GALNT13: variants seen among roughly 807,000 people sequenced by gnomAD.
The protein encoded by GALNT13 is polypeptide N-acetylgalactosaminyltransferase 13, also known as UDP-GalNAc:polypeptide N-acetylgalactosaminyltransferase 13.
In GALNT13, 28 loss-of-function variants were observed where a neutral mutation model predicts 64.2. That is an observed-to-expected ratio of 0.44 (90% CI 0.32 to 0.60). The LOEUF is 0.60. GALNT13 is among the 20% of genes least tolerant of loss of function. The pLI is 0.05. For synonymous variants in GALNT13, 214 were observed against 224.6 expected (o/e 0.95, Z 0.42); for missense variants, 577 against 669.8 (o/e 0.86, Z 1.53).
chr2:153,679,794 C>A, the GALNT13 span, among the ~76,000 whole-genome samples: 7 of 151,934 alleles, frequency 4.6e-5, no homozygotes, highest in African/African-American at 1.7e-4. Context: ...ATTTGGGACA[C>A]GATATAACAA....
chr2:153,200,033 C>G, the GALNT13 span, among the ~76,000 whole-genome samples: 1 of 152,002 alleles, frequency 6.6e-6, no homozygotes, highest in Non-Finnish European at 1.5e-5. Flanking sequence ...ACAGGGAGCC[C>G]CACAAAAAAC....
chr2:154,229,939 G>A (rs575610182), intron 4 of GALNT13, among the ~76,000 whole-genome samples: 11 of 152,168 alleles, frequency 7.2e-5, no homozygotes, highest in South Asian at 6.2e-4. Flanking sequence ...TTAGATTTGC[G>A]TTTTTGTCTG....
chr2:153,405,378 G>A, the GALNT13 span, among the ~76,000 whole-genome samples: 3 of 152,182 alleles, frequency 2.0e-5, no homozygotes, highest in Admixed American at 6.5e-5. Flanking sequence ...GCATGCACAG[G>A]CATGCACAAG....
At chr2:154,010,055 C>G (rs775143835) in intron 3 of GALNT13, among the ~76,000 whole-genome samples, 2 of 152,134 alleles carry the variant, frequency 1.3e-5, no homozygotes, top group Admixed American at 6.6e-5. Context: ...AATTTAGGAG[C>G]TATTGAGCAG....
At chr2:153,848,686 AT>A in the GALNT13 span, among the ~76,000 whole-genome samples, 3 of 152,144 alleles carry the variant, frequency 2.0e-5, no homozygotes, top group African/African-American at 4.8e-5. Context: ...CAATGAAAAA[AT>A]ATATGCTATC....
At chr2:154,121,447 C>T (rs530805067) in intron 3 of GALNT13, among the ~76,000 whole-genome samples, 2 of 152,170 alleles carry the variant, frequency 1.3e-5, no homozygotes, top group South Asian at 4.2e-4. Context: ...GTCTTCTAAT[C>T]CATGAAAACA....
At chr2:153,622,041 C>A in the GALNT13 span, among the ~76,000 whole-genome samples, 10 of 151,924 alleles carry the variant, frequency 6.6e-5, no homozygotes, top group South Asian at 2.1e-3. Context: ...TAAAGGAAGC[C>A]CCAAACTGGT....
chr2:154,392,463 A>G (rs1174821159), intron 9 of GALNT13, among the ~76,000 whole-genome samples: 2 of 152,100 alleles, frequency 1.3e-5, no homozygotes, highest in Admixed American at 6.5e-5. Context: ...CAGTTCCTTT[A>G]TATTATCTGG....
At chr2:153,092,220 T>A in the GALNT13 span, among the ~76,000 whole-genome samples, 1 of 152,302 alleles carries the variant, frequency 6.6e-6, no homozygotes, top group East Asian at 1.9e-4. Context: ...GTTATGCTAC[T>A]ACCATGCTGT....
At chr2:154,438,824 T>C (rs530081563) in intron 12 of GALNT13, 98 bp downstream of exon 12, 3 of 958,260 alleles carry the variant, frequency 3.1e-6, no homozygotes, top group South Asian at 3.7e-5. Context: ...TTTATCTACA[T>C]TGGCAGAATT....
the GALNT13 span, among the ~76,000 whole-genome samples, chr2:153,527,717 A>G: frequency 1.3e-5 from 2 of 152,066 alleles, no homozygotes; most frequent in South Asian, 4.1e-4. Context: ...ACTACAACAA[A>G]TTTTCCAGAC....
rs765871349 is a variant in GALNT13, at chr2:154,438,592, G to A, written c.1396G>A (p.Val466Ile). 2 of 1,606,940 alleles carry A rather than the reference G, an allele frequency of 1.2e-6. No homozygotes were observed. Among genetic ancestry groups the A allele is most frequent in the South Asian group, 1.1e-5 (1 of 90,462 alleles). Reference protein sequence around the residue: ...FNCHGMGGNQVFSYTADKEIR... With the variant: ...FNCHGMGGNQIFSYTADKEIR... ...TTATTAGCTGAATTTATATTTTCAG[G>A]TATTTTCTTACACTGCTGACAAAGA... Residue 466 changes from valine (V) to isoleucine (I), a missense_variant and splice_region_variant, in exon 12 of 13, where the codon GTA (valine) becomes ATA (isoleucine). Coordinates refer to ENST00000392825, the MANE Select transcript of GALNT13 (RefSeq NM_052917.4).
intron 3 of GALNT13, among the ~76,000 whole-genome samples, chr2:154,009,569 C>A (rs1256378576): frequency 6.6e-6 from 1 of 150,572 alleles, no homozygotes; most frequent in African/African-American, 2.5e-5. Flanking sequence ...CGGCTGACTG[C>A]AACCCCTGCC....
chr2:154,068,336 A>G (rs1472102076), intron 3 of GALNT13, among the ~76,000 whole-genome samples: 3 of 151,978 alleles, frequency 2.0e-5, no homozygotes, highest in African/African-American at 4.8e-5. Flanking sequence ...TGGATCTGCC[A>G]TATGATCCTG....
chr2:153,281,899 C>A, the GALNT13 span, among the ~76,000 whole-genome samples: 1 of 150,438 alleles, frequency 6.6e-6, no homozygotes, highest in East Asian at 2.0e-4. Context: ...CATATAATAT[C>A]ACACAGGTTA....
chr2:153,366,805 G>A, the GALNT13 span, among the ~76,000 whole-genome samples: 124,257 of 149,936 alleles, frequency 0.83, 52,254 homozygotes, highest in African/African-American at 0.91. Context: ...TGCTGAAAAC[G>A]AAAGAAAGAA....
At chr2:153,736,619 C>A in the GALNT13 span, among the ~76,000 whole-genome samples, 1 of 152,040 alleles carries the variant, frequency 6.6e-6, no homozygotes, top group Non-Finnish European at 1.5e-5. Flanking sequence ...TTCTCTATAT[C>A]ATTCTCTATC....
At chr2:153,124,381 C>T in the GALNT13 span, among the ~76,000 whole-genome samples, 1 of 152,204 alleles carries the variant, frequency 6.6e-6, no homozygotes, top group South Asian at 2.1e-4. Flanking sequence ...ATTTATTATG[C>T]AGCAATAGAT....
At chr2:153,128,445 C>T in the GALNT13 span, among the ~76,000 whole-genome samples, 29 of 152,014 alleles carry the variant, frequency 1.9e-4, no homozygotes, top group Admixed American at 1.9e-3. Context: ...AGACCCACCC[C>T]ATGATTCAAT....
Sources: allele counts gnomAD v4.1 joint callset (sites outside exome capture counted in the v4.1 genomes callset), GRCh38; gene constraint gnomAD v4.1.1; transcripts MANE v1.5; gene names NCBI Gene and HGNC (gene_info 2026-07-23, HGNC 2026-07-21).